FCHO2: variants seen among roughly 807,000 people sequenced by gnomAD.
The protein encoded by FCHO2 is FCH and mu domain containing endocytic adaptor 2.
Under a neutral mutation model 114.1 loss-of-function variants are expected in FCHO2, and 43 were observed. That is an observed-to-expected ratio of 0.38 (90% CI 0.30 to 0.49). The LOEUF (loss-of-function observed/expected upper bound fraction) is 0.49, where lower values mean the gene tolerates loss of function less well. FCHO2 is among the 20% of genes least tolerant of loss of function. The pLI is 0.97. For missense variants in FCHO2, 807 were observed against 950.4 expected (o/e 0.85, Z 1.98); for synonymous variants, 293 against 315.2 (o/e 0.93, Z 0.75).
chr5:73,044,999 T>C (rs1285658997), intron 11 of FCHO2, among the ~76,000 whole-genome samples: 2 of 152,208 alleles, frequency 1.3e-5, no homozygotes, highest in East Asian at 3.8e-4. Flanking sequence ...TGCATAGTTC[T>C]AGCAGTAAAA....
In FCHO2 at chr5:73,053,035, A is replaced by G. The variant is rs619503; in HGVS notation, c.1173+528A>G. ...GGATTTGAGGGAGAAATAAAACATT[A>G]TCCCAGTAAATTTTTTCCTCATTGA... On this transcript the variant is annotated intron_variant, in intron 13 of 25. Transcript: ENST00000430046. 4.9e-3 allele frequency among the ~76,000 whole-genome samples: 739 copies of G among 152,304 alleles called. 5 individuals are homozygous for G. Among genetic ancestry groups the G allele is most frequent in the Non-Finnish European group, 7.0e-3 (478 of 68,016 alleles).
At chr5:73,025,432 G>T (rs552367224) in intron 8 of FCHO2, among the ~76,000 whole-genome samples, 1 of 149,126 alleles carries the variant, frequency 6.7e-6, no homozygotes, top group South Asian at 2.1e-4. Context: ...AGGCTGGAGT[G>T]CAGTGGCATG....
chr5:73,005,932 T>C (rs1754690628), intron 5 of FCHO2, among the ~76,000 whole-genome samples: 1 of 152,118 alleles, frequency 6.6e-6, no homozygotes, highest in African/African-American at 2.4e-5. Context: ...CTGAGAAACA[T>C]CAAGGAAACC....
intron 8 of FCHO2, among the ~76,000 whole-genome samples, chr5:73,023,125 T>C (rs1207230416): frequency 6.6e-6 from 1 of 152,156 alleles, no homozygotes; most frequent in Non-Finnish European, 1.5e-5. Context: ...AAAGGGATAA[T>C]GGAAATATCT....
chr5:72,988,196 T>C (rs1157943455), intron 2 of FCHO2, among the ~76,000 whole-genome samples: 7 of 152,066 alleles, frequency 4.6e-5, no homozygotes, highest in Admixed American at 4.6e-4. Context: ...TCCCAGCACT[T>C]TGGGAGGCTG....
chr5:73,017,067 G>T, intron 7 of FCHO2, 145 bp from the exon 8 acceptor site: 1 of 517,142 alleles, frequency 1.9e-6, no homozygotes. Flanking sequence ...AATGCTGGAA[G>T]TTAGGTAAAT....
intron 8 of FCHO2, among the ~76,000 whole-genome samples, chr5:73,032,098 G>T (rs1756267700): frequency 6.6e-6 from 1 of 152,176 alleles, no homozygotes; most frequent in Non-Finnish European, 1.5e-5. Flanking sequence ...CTACAGGGGG[G>T]GTCAGAATGT....
intron 6 of FCHO2, among the ~76,000 whole-genome samples, chr5:73,014,715 T>G (rs1376087387): frequency 1.3e-5 from 2 of 152,186 alleles, no homozygotes; most frequent in Non-Finnish European, 2.9e-5. Context: ...AACTCTTTGT[T>G]TTTTTTGTAA....
chr5:73,049,001 C>A (rs904835407), intron 11 of FCHO2, among the ~76,000 whole-genome samples: 1 of 150,640 alleles, frequency 6.6e-6, no homozygotes, highest in Non-Finnish European at 1.5e-5. Context: ...CTCAGCCTCC[C>A]GAGTAGCTGG....
In FCHO2 at chr5:72,956,093, C is replaced by T; in HGVS notation, c.-4C>T. ...GACGCGGAACCCGGCGCGGCGGCGG[C>T]ACGATGGTCATGGCGTATTTCGTCG... On this transcript the variant is annotated 5_prime_UTR_variant, in exon 1 of 26. Coordinates refer to ENST00000430046, the MANE Select transcript of FCHO2 (RefSeq NM_138782.3). 1 of 1,541,070 alleles carries T rather than the reference C, an allele frequency of 6.5e-7. No homozygotes were observed. Among genetic ancestry groups the T allele is most frequent in the Non-Finnish European group, 8.8e-7 (1 of 1,142,780 alleles).
chr5:73,074,680 T>C (rs1242971408), intron 19 of FCHO2, 62 bp from the exon 20 acceptor site: 12 of 1,432,588 alleles, frequency 8.4e-6, no homozygotes, highest in Non-Finnish European at 1.2e-5. Context: ...TGAATCTAAC[T>C]ATCTTGATAT....
At chr5:73,003,044 G>C (rs964123366) in intron 5 of FCHO2, among the ~76,000 whole-genome samples, 1 of 152,114 alleles carries the variant, frequency 6.6e-6, no homozygotes, top group African/African-American at 2.4e-5. Context: ...CAGGGTCTCT[G>C]TTGTCTGGGC....
chr5:72,958,063 C>G (rs1301743755), intron 1 of FCHO2, among the ~76,000 whole-genome samples: 1 of 145,498 alleles, frequency 6.9e-6, no homozygotes. Flanking sequence ...TTTTAATATT[C>G]TGGATACACA....
intron 8 of FCHO2, among the ~76,000 whole-genome samples, chr5:73,030,978 A>T (rs566737019): frequency 6.6e-6 from 1 of 152,334 alleles, no homozygotes; most frequent in East Asian, 1.9e-4. Flanking sequence ...AGCAAATGCT[A>T]TATTTGTTAT....
At chr5:73,056,214 C>T (rs1757585990) in intron 16 of FCHO2, 107 bp downstream of exon 16, 2 of 789,042 alleles carry the variant, frequency 2.5e-6, no homozygotes, top group South Asian at 2.0e-5. Context: ...CCTTTATGCT[C>T]CCTGCCCCTT....
intron 19 of FCHO2, among the ~76,000 whole-genome samples, chr5:73,073,230 T>C (rs1220479673): frequency 6.6e-6 from 1 of 152,090 alleles, no homozygotes; most frequent in Non-Finnish European, 1.5e-5. Context: ...CAGTCATTTT[T>C]CCCTTCAATC....
At chr5:73,049,740 T>A (rs561986173) in intron 11 of FCHO2, among the ~76,000 whole-genome samples, 1 of 152,288 alleles carries the variant, frequency 6.6e-6, no homozygotes, top group East Asian at 1.9e-4. Context: ...TAAAACTAAT[T>A]TCTGAGTTAT....
intron 17 of FCHO2, among the ~76,000 whole-genome samples, chr5:73,063,468 T>G (rs1757936723): frequency 6.6e-6 from 1 of 152,082 alleles, no homozygotes; most frequent in Non-Finnish European, 1.5e-5. Context: ...TTCAAAGGCT[T>G]GGTCTCGAAT....
At chr5:73,060,263 G>A (rs956659196) in intron 17 of FCHO2, among the ~76,000 whole-genome samples, 1 of 151,776 alleles carries the variant, frequency 6.6e-6, no homozygotes, top group African/African-American at 2.4e-5. Context: ...ACTTCAGTAT[G>A]CATTTTTAAA....
Sources: allele counts gnomAD v4.1 joint callset (sites outside exome capture counted in the v4.1 genomes callset), GRCh38; gene constraint gnomAD v4.1.1; transcripts MANE v1.5; gene names NCBI Gene and HGNC (gene_info 2026-07-23, HGNC 2026-07-21).